FANCD2OS: variants seen among roughly 807,000 people sequenced by gnomAD.
FANCD2OS encodes the protein FANCD2 opposite strand.
Under a neutral mutation model 13.2 loss-of-function variants are expected in FANCD2OS, and 11 were observed. The ratio of observed to expected loss-of-function variants is 0.83; its 90% CI spans 0.52 to 1.38. The LOEUF is 1.38. FANCD2OS is among the 40% of genes most tolerant of loss of function. FANCD2OS has a pLI of 0.00. For synonymous variants in FANCD2OS, 69 were observed against 84.5 expected, an observed-to-expected ratio of 0.82 and a Z score of 1.01; for missense variants, 217 against 213.9, an observed-to-expected ratio of 1.01 and a Z score of -0.09.
intron 2 of FANCD2OS, among the ~76,000 whole-genome samples, chr3:10,084,269 G>A (rs1405325610): frequency 1.3e-5 from 2 of 149,824 alleles, no homozygotes; most frequent in Non-Finnish European, 3.0e-5. Flanking sequence ...TGGGATTACA[G>A]GTGTGAGCCA....
chr3:10,104,071 C>G lies in FANCD2OS; in HGVS notation c.*170G>C. On this transcript the variant is annotated 3_prime_UTR_variant, in exon 2 of 2. Coordinates refer to ENST00000450660, the MANE Select transcript of FANCD2OS (RefSeq NM_001164839.2). ...TCTTCCTTGTTCTCTATCATTGGTCCTTTTTTGGAGGGGAAGGGATGAAAG... is the reference window on the plus strand; with the variant it reads ...TCTTCCTTGTTCTCTATCATTGGTCGTTTTTTGGAGGGGAAGGGATGAAAG... 1 of 619,072 alleles carries G rather than the reference C, an allele frequency of 1.6e-6. No individual in the cohort carries two copies. The highest frequency in any genetic ancestry group is 3.3e-5 in the Admixed American group (1 of 29,952). 38.3% of individuals were successfully genotyped at this position (619,072 alleles called of 1,614,324 possible). A position where few individuals can be genotyped will look rare whatever the true frequency, so the allele number is the denominator to read the frequency against.
intron 2 of FANCD2OS, among the ~76,000 whole-genome samples, chr3:10,081,958 G>A (rs976613723): frequency 9.2e-5 from 14 of 152,198 alleles, no homozygotes; most frequent in African/African-American, 2.9e-4. Flanking sequence ...AGGGACAGGC[G>A]TTGGGCTCTC....
intron 1 of FANCD2OS, among the ~76,000 whole-genome samples, chr3:10,105,226 A>C (rs549263548): frequency 6.6e-6 from 1 of 152,318 alleles, no homozygotes; most frequent in South Asian, 2.1e-4. Context: ...TATGTGTACT[A>C]AAACTTTATA....
chr3:10,092,821 A>G (rs1694731760), intron 2 of FANCD2OS, among the ~76,000 whole-genome samples: 1 of 150,646 alleles, frequency 6.6e-6, no homozygotes, highest in African/African-American at 2.4e-5. Context: ...CCTCTGGAGT[A>G]GCTGGGACTA....
intron 2 of FANCD2OS, chr3:10,085,837 C>A: frequency 6.2e-7 from 1 of 1,613,454 alleles, no homozygotes; most frequent in South Asian, 1.1e-5. Context: ...ACCTGAAAAT[C>A]AGAATTTACT....
downstream of FANCD2OS, chr3:10,098,856 G>A (rs2125101186): frequency 6.2e-7 from 1 of 1,614,186 alleles, no homozygotes; most frequent in East Asian, 2.2e-5. Flanking sequence ...ACTGATGGTT[G>A]CATTTTGTTA....
At chr3:10,085,052 T>A (rs567564558) in intron 2 of FANCD2OS, among the ~76,000 whole-genome samples, 1 of 152,298 alleles carries the variant, frequency 6.6e-6, no homozygotes, top group East Asian at 1.9e-4. Context: ...AAGATAGAAA[T>A]GTCAAGACTT....
chr3:10,085,802 A>G lies in FANCD2OS; in HGVS notation c.*44-4271T>C, dbSNP rs1427420268. The G allele has an allele frequency of 6.3e-7, 1 of 1,589,780 alleles. No individual in the cohort carries two copies. The highest frequency in any genetic ancestry group is 2.2e-5 in the East Asian group (1 of 44,712). On this transcript the variant is annotated intron_variant, in intron 2 of 2. Coordinates refer to the FANCD2OS transcript ENST00000524279. The stretch of plus-strand genomic sequence containing the variant: ...AACTAAGCTAACCCCTCTTACCTTG[A>G]CTTCCTTAGGAGTGGATTTTCTCAA...
rs754413904 is a variant in FANCD2OS at position 10,081,503 on chromosome 3, C to G, written c.*72G>C. On this transcript the variant is annotated 3_prime_UTR_variant, in exon 3 of 3. Transcript: ENST00000524279. The stretch of plus-strand genomic sequence containing the variant: ...AAGTGTGGAGAGAACTGAGTATATA[C>G]TTGCTTTTATTTGACAGTCACCAAG... 3.6e-6 allele frequency: 5 copies of G among 1,380,682 alleles called. No individual in the cohort carries two copies. In the East Asian group the frequency reaches 1.1e-4, roughly 32 times the overall value. The allele number at this position is 1,380,682 out of a possible 1,614,324, so 85.5% of individuals were successfully genotyped here. A position where few individuals can be genotyped will look rare whatever the true frequency, so the allele number is the denominator to read the frequency against.
At chr3:10,101,337 C>T, downstream of FANCD2OS, 1 of 1,026,574 alleles carries the variant, frequency 9.7e-7, no homozygotes, top group South Asian at 1.3e-5. Context: ...TTGAAATCCG[C>T]TGTTTGCCTT....
downstream of FANCD2OS, chr3:10,098,960 T>C: frequency 6.2e-7 from 1 of 1,614,176 alleles, no homozygotes; most frequent in Non-Finnish European, 8.5e-7. Flanking sequence ...ACAGCTTCTG[T>C]GCTTATATAA....
rs745930696 is a variant in FANCD2OS, at chr3:10,092,220, C to T, written c.*44-10689G>A. 1.2e-5 allele frequency: 20 copies of T among 1,613,800 alleles called. No individual in the cohort carries two copies. The highest frequency in any genetic ancestry group is 6.7e-5 in the Admixed American group (4 of 59,988). On this transcript the variant is annotated intron_variant, in intron 2 of 2. Transcript: ENST00000524279. ...ACTCCTCTACTGGAACATGGCTGTT[C>T]GAGACTTCAGTATCCTCATCAACTT...
chr3:10,081,881 G>T (rs6788609), intron 2 of FANCD2OS, among the ~76,000 whole-genome samples: 44 of 152,312 alleles, frequency 2.9e-4, no homozygotes, highest in African/African-American at 1.1e-3. Flanking sequence ...ACGGAAGGAA[G>T]TGGAAGGTAC....
chr3:10,105,832 G>T (rs61052895), intron 1 of FANCD2OS, among the ~76,000 whole-genome samples: 1 of 105,338 alleles, frequency 9.5e-6, no homozygotes, highest in East Asian at 3.1e-4. Flanking sequence ...TTTGAGGTTC[G>T]CGATGTATGA....
At chr3:10,092,049 T>G in intron 2 of FANCD2OS, 2 of 789,636 alleles carry the variant, frequency 2.5e-6, no homozygotes, top group Admixed American at 3.4e-5. Flanking sequence ...GATGCACTGG[T>G]TGCTACATCT....
intron 2 of FANCD2OS, chr3:10,088,357 C>A (rs1372423525): frequency 2.4e-6 from 2 of 849,718 alleles, no homozygotes; most frequent in South Asian, 1.3e-5. Context: ...AACTAATAAT[C>A]CTTTTGATCA....
chr3:10,104,856 T>C, intron 1 of FANCD2OS, 74 bp from the exon 2 acceptor site: 2 of 1,350,668 alleles, frequency 1.5e-6, no homozygotes, highest in Non-Finnish European at 2.0e-6. Context: ...CAAATTCCCA[T>C]CTCTGTCTCA....
chr3:10,087,265 G>A lies in FANCD2OS; in HGVS notation c.*44-5734C>T, dbSNP rs1301819180. The A allele has an allele frequency of 6.3e-7, 1 of 1,590,328 alleles. No individual in the cohort carries two copies. The highest frequency in any genetic ancestry group is 8.6e-7 in the Non-Finnish European group (1 of 1,165,344). On this transcript the variant is annotated intron_variant, in intron 2 of 2. Transcript: ENST00000524279. ...TCTGCTCAGAACAAAGAAAAAATTG[G>A]TGATGGGCCTAGATCCTTTTTTTTT...
At chr3:10,102,755 A>G (rs1695352992), downstream of FANCD2OS, 1 of 150,624 alleles carries the variant, frequency 6.6e-6, no homozygotes, top group South Asian at 2.1e-4. Context: ...AGGCAGGAGA[A>G]TGGTGTGAAC....
Sources: allele counts gnomAD v4.1 joint callset (sites outside exome capture counted in the v4.1 genomes callset), GRCh38; gene constraint gnomAD v4.1.1; transcripts MANE v1.5; gene names NCBI Gene and HGNC (gene_info 2026-07-23, HGNC 2026-07-21).